The following COPA variants were observed in gnomAD, a reference collection of about 807,000 sequenced individuals.
COPA encodes the protein coat protein complex I subunit alpha.
In COPA, 10 loss-of-function variants were observed where a neutral mutation model predicts 158.7. The observed-to-expected ratio is 0.06, with a 90% CI of 0.04 to 0.11. The LOEUF (loss-of-function observed/expected upper bound fraction) is 0.11, where lower values mean the gene tolerates loss of function less well. Ranked by LOEUF, COPA falls within the 10% of genes least tolerant of loss-of-function variation. COPA has a pLI of 1.00. For missense variants in COPA, 1,065 were observed against 1,536.7 expected (o/e 0.69, Z 5.13); for synonymous variants, 462 against 542.8 (o/e 0.85, Z 2.07).
In COPA at chr1:160,291,998, C is replaced by CT. The variant is rs1557859700; in HGVS notation, c.3147+13dup. On this transcript the variant is annotated intron_variant, in intron 29 of 32. Coordinates refer to ENST00000241704, the MANE Select transcript of COPA (RefSeq NM_004371.4). Reference sequence around the variant, plus strand: ...GAAGTGCCCAGAACTGGGACAGCGGCTAGACCCTCCTACCTCTGCAATCTC... The same window carrying CT: ...GAAGTGCCCAGAACTGGGACAGCGGCTTAGACCCTCCTACCTCTGCAATCTC... 1 of 1,614,082 alleles carries CT rather than the reference C, an allele frequency of 6.2e-7. No individual in the cohort carries two copies. Among genetic ancestry groups the CT allele is most frequent in the East Asian group, 2.2e-5 (1 of 44,882 alleles).
In COPA at chr1:160,311,860, C is replaced by T. The variant is rs758287640; in HGVS notation, c.1076+8G>A. 2.9e-5 allele frequency: 47 copies of T among 1,608,200 alleles called. No individual in the cohort carries two copies. The highest frequency in any genetic ancestry group is 1.2e-4 in the African/African-American group (9 of 74,826). Reference sequence around the variant, plus strand: ...AGGGTTTGGAGGAAAGAAACAAGTCCGATTTACCTCCGCAACTGCATCACA... The same window carrying T: ...AGGGTTTGGAGGAAAGAAACAAGTCTGATTTACCTCCGCAACTGCATCACA... On this transcript the variant is annotated splice_region_variant and intron_variant, in intron 11 of 32. Transcript: ENST00000241704.
Position 160,297,379 on chromosome 1 carries a change from A to G in COPA, c.2227T>C (p.Ser743Pro). The G allele has an allele frequency of 6.2e-7, 1 of 1,614,196 alleles. No individual in the cohort carries two copies. The highest frequency in any genetic ancestry group is 8.5e-7 in the Non-Finnish European group (1 of 1,180,030). Reference sequence around the variant, plus strand: ...TTCTTCAGGATCCGCACACGCTCTGACACATCACCCAGGTATAGGGCATTC... The same window carrying G: ...TTCTTCAGGATCCGCACACGCTCTGGCACATCACCCAGGTATAGGGCATTC... ...YQNALYLGDV[S>P]ERVRILKNCG... The change falls in exon 21 of 33, where the codon TCA becomes CCA. Residue 743 changes from serine (S) to proline (P), a missense_variant. Ser to Pro is a moderately conservative substitution (Grantham distance 74). Transcript: ENST00000241704.
chr1:160,332,379 C>T (rs1318465208), intron 6 of COPA, 69 bp downstream of exon 6: 3 of 1,003,880 alleles, frequency 3.0e-6, no homozygotes, highest in East Asian at 4.9e-5. Flanking sequence ...CAACTCTCCT[C>T]ACTATTTTAA....
rs1171308899 is a variant in COPA, at chr1:160,311,926, A to C, written c.1018T>G (p.Phe340Val). The C allele has an allele frequency of 6.2e-7, 1 of 1,613,926 alleles. No homozygotes were observed. Among genetic ancestry groups the C allele is most frequent in the Non-Finnish European group, 8.5e-7 (1 of 1,179,986 alleles). ...CTGTTGAAATCCAGCTGTCGTAAGA[A>C]TCGGTCCTTGACATAGTGTAGCATA... ...GNMLHYVKDR[F>V]LRQLDFNSSK... is the part of the protein sequence containing the mutation. Residue 340 changes from phenylalanine to valine, a missense_variant, in exon 11 of 33, where the codon TTC becomes GTC. Phe to Val is a conservative substitution (Grantham distance 50, BLOSUM62 -1). This residue lies in a region of COPA where 980 missense variants were observed against 1,357.8 expected (regional missense o/e 0.72). Transcript: ENST00000241704.
chr1:160,298,721 T>TA (rs986442315), intron 19 of COPA, 124 bp downstream of exon 19: 53 of 1,281,170 alleles, frequency 4.1e-5, no homozygotes, highest in East Asian at 9.4e-5. Context: ...ATGTAACAAC[T>TA]AAAAAAAATC....
At chr1:160,311,798 T>A in intron 11 of COPA, 70 bp downstream of exon 11, 1 of 1,321,554 alleles carries the variant, frequency 7.6e-7, no homozygotes, top group Non-Finnish European at 1.0e-6. Context: ...AAAAGAAGAG[T>A]CTTGTTTGTG....
rs533041518 is a variant in COPA at position 160,334,867 on chromosome 1, C to T, written c.309+375G>A. Among the ~76,000 whole-genome samples, 3 of 152,300 alleles carry T rather than the reference C, an allele frequency of 2.0e-5. No individual in the cohort carries two copies. In the East Asian group the frequency reaches 5.8e-4, roughly 29 times the overall value. On this transcript the variant is annotated intron_variant, in intron 4 of 32. Transcript: ENST00000241704. ...GTTAATACTTCGAAACGTTTGTTAG[C>T]TGATCAAAATGGCATCTTAGTCTGA...
At position 160,331,435 on chromosome 1, in the gene COPA, C is replaced by T. The variant is rs1312938606; in HGVS notation, c.496+1013G>A. On this transcript the variant is annotated intron_variant, in intron 6 of 32. Transcript: ENST00000241704. ...TGGGAGGCTGAGGCAGGAGAATCAC[C>T]TGAGGTCAGGAGTTCGAGACCAGCC... Among the ~76,000 whole-genome samples the T allele has an allele frequency of 9.3e-5, 14 of 151,242 alleles. No homozygotes were observed. In the East Asian group the frequency reaches 2.5e-3, roughly 28 times the overall value.
intron 6 of COPA, among the ~76,000 whole-genome samples, chr1:160,330,808 A>G (rs753345599): frequency 6.6e-6 from 1 of 152,192 alleles, no homozygotes; most frequent in Non-Finnish European, 1.5e-5. Context: ...ATAGAATGAA[A>G]CATGTTTTGT....
chr1:160,335,166 G>A, intron 4 of COPA, 76 bp downstream of exon 4: 1 of 1,310,284 alleles, frequency 7.6e-7, no homozygotes, highest in Non-Finnish European at 1.1e-6. Flanking sequence ...TAAAACATGG[G>A]TTCTCAAGGA....
Position 160,340,055 on chromosome 1 carries a change from G to A in COPA, c.155-73C>T. 6 of 1,563,850 alleles carry A rather than the reference G, an allele frequency of 3.8e-6. No homozygotes were observed. The South Asian group carries it at 5.6e-5, about 15-fold the overall frequency. On this transcript the variant is annotated intron_variant, in intron 2 of 32. Transcript: ENST00000241704. ...AATCTCTAAGGTGATTCCTATTCAG[G>A]ATTTTTCAGTTCTATCATTTCCACA...
intron 3 of COPA, among the ~76,000 whole-genome samples, chr1:160,335,658 T>A (rs982065127): frequency 2.7e-5 from 4 of 149,124 alleles, no homozygotes; most frequent in Admixed American, 6.6e-5. Context: ...TCGAGGCGGG[T>A]GGATCACAAG....
At chr1:160,334,097 A>C (rs570563132) in intron 4 of COPA, among the ~76,000 whole-genome samples, 1 of 152,332 alleles carries the variant, frequency 6.6e-6, no homozygotes, top group African/African-American at 2.4e-5. Flanking sequence ...TCCAGTTTCA[A>C]AAAATTCCCA....
chr1:160,298,245 T>C (rs1401454014), intron 19 of COPA, among the ~76,000 whole-genome samples: 1 of 151,376 alleles, frequency 6.6e-6, no homozygotes, highest in Non-Finnish European at 1.5e-5. Flanking sequence ...GATACAGAGA[T>C]GGAAATAATT....
intron 11 of COPA, chr1:160,310,567 A>G (rs1016709650): frequency 1.6e-5 from 3 of 183,548 alleles, no homozygotes; most frequent in African/African-American, 7.0e-5. Context: ...ACAAATTCCT[A>G]CACGTAATTG....
chr1:160,290,450 T>A, intron 32 of COPA, 42 bp downstream of exon 32: 1 of 1,582,626 alleles, frequency 6.3e-7, no homozygotes, highest in South Asian at 1.1e-5. Flanking sequence ...TTTTTCCCCT[T>A]CGCTCAATAT....
At chr1:160,302,549 C>CTTTTTT (rs35112618) in intron 17 of COPA, among the ~76,000 whole-genome samples, 5 of 91,660 alleles carry the variant, frequency 5.5e-5, no homozygotes, top group African/African-American at 1.3e-4. Flanking sequence ...TCACAAGTTA[C>CTTTTTT]TTTTTTTTTT....
At chr1:160,308,368 C>T (rs1265746462) in intron 13 of COPA, among the ~76,000 whole-genome samples, 1 of 152,096 alleles carries the variant, frequency 6.6e-6, no homozygotes. Context: ...CCCAGGGGCA[C>T]CCACAAAAGA....
rs1157379734 is a variant in COPA, at chr1:160,325,732, T to C, written c.497-80A>G. Reference sequence around the variant, plus strand: ...AGCACAGTATCAGAAACACAGAAATTACAGTGAAAAAGAAAAGAAAAAGAA... The same window carrying C: ...AGCACAGTATCAGAAACACAGAAATCACAGTGAAAAAGAAAAGAAAAAGAA... On this transcript the variant is annotated intron_variant, in intron 6 of 32. Coordinates refer to ENST00000241704, the MANE Select transcript of COPA (RefSeq NM_004371.4). 3 of 986,146 alleles carry C rather than the reference T, an allele frequency of 3.0e-6. No homozygotes were observed. In the Admixed American group the frequency reaches 6.3e-5, roughly 21 times the overall value. The allele number at this position is 986,146 out of a possible 1,614,324, so 61.1% of individuals were successfully genotyped here.
Sources: gnomAD v4.1 joint callset for allele counts (sites outside exome capture counted in the v4.1 genomes callset) on GRCh38, gnomAD v4.1.1 for gene constraint, gnomAD v4.1.1 regional missense constraint, MANE v1.5 for transcripts, NCBI Gene and HGNC (gene_info 2026-07-23, HGNC 2026-07-21) for gene names.